The following SH3YL1 variants were observed in gnomAD, a reference collection of about 807,000 sequenced individuals.
SH3YL1 encodes SH3 and SYLF domain containing 1.
SH3YL1 carries 41 observed loss-of-function variants against 45.8 expected under a neutral mutation model. The ratio of observed to expected loss-of-function variants is 0.89; its 90% confidence interval spans 0.70 to 1.16. The LOEUF (loss-of-function observed/expected upper bound fraction) is 1.16. Among genes scored for constraint, SH3YL1 ranks in the 50% most tolerant of loss-of-function variants. SH3YL1 has a pLI of 0.00. For missense variants in SH3YL1, 389 were observed against 409.6 expected (o/e 0.95, Z 0.43); for synonymous variants, 152 against 151.4 (o/e 1.00, Z -0.03).
chr2:234,316 A>G, intron 4 of SH3YL1, 44 bp from the exon 5 acceptor site: 1 of 1,443,606 alleles, frequency 6.9e-7, no homozygotes, highest in East Asian at 2.3e-5. Context: ...TTAAGACTAA[A>G]TATCATTTAA....
chr2:255,302 CAT>C (rs1331924905), intron 1 of SH3YL1, among the ~76,000 whole-genome samples: 1 of 152,116 alleles, frequency 6.6e-6, no homozygotes, highest in Non-Finnish European at 1.5e-5. Context: ...ATGTTTGAAA[CAT>C]GTAATTTATC....
At position 218,340 on chromosome 2, in the gene SH3YL1, G is replaced by C. The variant is rs1558229420; in HGVS notation, c.*471C>G. ...ATAAATGCATAGTATAATTTTTGAAGGTATAAAGACAATTTCTAAGGATTT... is the reference window on the plus strand; with the variant it reads ...ATAAATGCATAGTATAATTTTTGAACGTATAAAGACAATTTCTAAGGATTT... On this transcript the variant is annotated 3_prime_UTR_variant, in exon 10 of 10. Transcript: ENST00000356150. The C allele has an allele frequency of 6.6e-6, 1 of 152,412 alleles. No homozygotes were observed. Among genetic ancestry groups the C allele is most frequent in the East Asian group, 1.9e-4 (1 of 5,186 alleles). 9.4% of individuals were successfully genotyped at this position (152,412 alleles called of 1,614,324 possible).
rs566265947 is a variant in SH3YL1 at position 258,767 on chromosome 2, C to T, written c.1+5217G>A. Among the ~76,000 whole-genome samples, 843 of 152,258 alleles carry T rather than the reference C, an allele frequency of 5.5e-3. 7 individuals carry two copies. The highest frequency in any genetic ancestry group is 0.019 in the African/African-American group (779 of 41,544). Reference sequence around the variant, plus strand: ...TAAGCTGTCTCCATTGTGGCTGTTTCGAATGGCTGTCCCCAGCCTGATGCA... The same window carrying T: ...TAAGCTGTCTCCATTGTGGCTGTTTTGAATGGCTGTCCCCAGCCTGATGCA... On this transcript the variant is annotated intron_variant, in intron 1 of 9. Coordinates refer to ENST00000356150, the MANE Select transcript of SH3YL1 (RefSeq NM_015677.4).
intron 3 of SH3YL1, among the ~76,000 whole-genome samples, chr2:249,339 G>A (rs535561341): frequency 1.3e-5 from 2 of 152,188 alleles, no homozygotes; most frequent in South Asian, 4.1e-4. Flanking sequence ...TTCACATATG[G>A]CCCCTTATTT....
chr2:231,502 A>T (rs1465504714), intron 6 of SH3YL1, among the ~76,000 whole-genome samples: 3 of 152,240 alleles, frequency 2.0e-5, no homozygotes, highest in African/African-American at 7.2e-5. Context: ...ACATATTCAT[A>T]TATAAACACA....
chr2:246,598 G>C (rs1352772911), intron 4 of SH3YL1, among the ~76,000 whole-genome samples: 3 of 151,462 alleles, frequency 2.0e-5, no homozygotes, highest in African/African-American at 4.9e-5. Flanking sequence ...GTGGGGAAAG[G>C]GGAAGAGAGG....
At chr2:249,039 T>C (rs1668958394) in intron 3 of SH3YL1, among the ~76,000 whole-genome samples, 1 of 152,198 alleles carries the variant, frequency 6.6e-6, no homozygotes, top group African/African-American at 2.4e-5. Flanking sequence ...AATAAAATTA[T>C]GCTAAAAAAC....
intron 4 of SH3YL1, among the ~76,000 whole-genome samples, chr2:246,140 A>C (rs193142639): frequency 6.6e-6 from 1 of 151,984 alleles, no homozygotes; most frequent in Non-Finnish European, 1.5e-5. Flanking sequence ...GGTTGCAGTG[A>C]GCTGAGTCCA....
In SH3YL1 at chr2:249,551, G is replaced by A. The variant is rs529672647; in HGVS notation, c.226+180C>T. The stretch of plus-strand genomic sequence containing the variant: ...TTTGAGGACAGAGAGAGACGGAAAG[G>A]CTGGTTCCTGTGGCTTGTTCACTGA... On this transcript the variant is annotated intron_variant, in intron 3 of 9. Coordinates refer to ENST00000356150, the MANE Select transcript of SH3YL1 (RefSeq NM_015677.4). Among the ~76,000 whole-genome samples the A allele has an allele frequency of 9.2e-5, 14 of 152,334 alleles. No homozygotes were observed. The South Asian group carries it at 1.4e-3, about 16-fold the overall frequency.
intron 4 of SH3YL1, among the ~76,000 whole-genome samples, chr2:246,887 G>A (rs1668838629): frequency 6.6e-6 from 1 of 152,140 alleles, no homozygotes; most frequent in Non-Finnish European, 1.5e-5. Context: ...AATCTACAAA[G>A]GATAGCTTAG....
rs577784529 is a variant in SH3YL1, at chr2:245,507, A to C, written c.291+2031T>G. On this transcript the variant is annotated intron_variant, in intron 4 of 9. Coordinates refer to ENST00000356150, the MANE Select transcript of SH3YL1 (RefSeq NM_015677.4). ...TTACTGTATAAATCCATATTTAATC[A>C]TCAATATAAGCCCAGAGACTCATAT... Among the ~76,000 whole-genome samples, 8 of 152,334 alleles carry C rather than the reference A, an allele frequency of 5.3e-5. No homozygotes were observed. The South Asian group carries it at 1.7e-3, about 32-fold the overall frequency.
At chr2:232,903 T>A in intron 6 of SH3YL1, 198 bp downstream of exon 6, 1 of 376,374 alleles carries the variant, frequency 2.7e-6, no homozygotes, top group South Asian at 1.2e-4. Flanking sequence ...TCGAGTTTTT[T>A]TTATTTCTTT....
At chr2:227,320 T>C (rs1482545119) in intron 8 of SH3YL1, among the ~76,000 whole-genome samples, 2 of 152,024 alleles carry the variant, frequency 1.3e-5, no homozygotes, top group African/African-American at 4.8e-5. Flanking sequence ...CTGGTAACTA[T>C]CTCAAAAAAA....
At chr2:247,680 A>T (rs1668889442) in intron 3 of SH3YL1, 78 bp from the exon 4 acceptor site, 2 of 1,113,950 alleles carry the variant, frequency 1.8e-6, no homozygotes, top group South Asian at 3.0e-5. Flanking sequence ...AAAATGCTAA[A>T]ATCTAAAGAG....
At chr2:241,215 A>C (rs1336423824) in intron 4 of SH3YL1, 1 of 152,160 alleles carries the variant, frequency 6.6e-6, no homozygotes, top group Non-Finnish European at 1.5e-5. Context: ...TAAAAACATA[A>C]AATTATATAA....
chr2:228,885 C>T (rs1460935579), intron 8 of SH3YL1, among the ~76,000 whole-genome samples: 7 of 152,132 alleles, frequency 4.6e-5, no homozygotes, highest in Non-Finnish European at 8.8e-5. Flanking sequence ...AGGAGGAGGC[C>T]GAGGATGCGC....
chr2:258,054 A>G (rs1669431320), intron 1 of SH3YL1, among the ~76,000 whole-genome samples: 1 of 152,140 alleles, frequency 6.6e-6, no homozygotes, highest in Admixed American at 6.5e-5. Flanking sequence ...TCATTACTGT[A>G]GCTTTGTAGT....
chr2:219,109 T>C, intron 9 of SH3YL1, 108 bp from the exon 10 acceptor site: 1 of 802,428 alleles, frequency 1.2e-6, no homozygotes, highest in Non-Finnish European at 1.9e-6. Flanking sequence ...GCTGATGTCT[T>C]GGAGGCTGGC....
At chr2:260,021 T>C (rs1248791410) in intron 1 of SH3YL1, 1 of 152,090 alleles carries the variant, frequency 6.6e-6, no homozygotes, top group Non-Finnish European at 1.5e-5. Flanking sequence ...CATTGTAAAA[T>C]ACAGGAAAAA....
Sources: allele counts gnomAD v4.1 joint callset (sites outside exome capture counted in the v4.1 genomes callset), GRCh38; gene constraint gnomAD v4.1.1; transcripts MANE v1.5; gene names NCBI Gene and HGNC (gene_info 2026-07-23, HGNC 2026-07-21).